CABP5: variants seen among roughly 807,000 people sequenced by gnomAD.
The protein encoded by CABP5 is calcium binding protein 5.
In CABP5, 17 loss-of-function variants were observed where a neutral mutation model predicts 21.9. That is an observed-to-expected ratio of 0.78 (90% CI 0.53 to 1.17). The LOEUF is 1.17. Among genes scored for constraint, CABP5 ranks in the 50% most tolerant of loss-of-function variants. CABP5 has a pLI of 0.00. For missense variants in CABP5, 229 were observed against 228.9 expected, an observed-to-expected ratio of 1.00 and a Z score of 0.00; for synonymous variants, 85 against 79.4, an observed-to-expected ratio of 1.07 and a Z score of -0.37.
Position 48,030,444 on chromosome 19 carries a change from G to T in CABP5, c.*113C>A, listed in dbSNP as rs567207989. 19 of 1,103,644 alleles carry T rather than the reference G, an allele frequency of 1.7e-5. No homozygotes were observed. The highest frequency in any genetic ancestry group is 2.5e-5 in the Non-Finnish European group (19 of 753,416). The allele number at this position is 1,103,644 out of a possible 1,614,324, so 68.4% of individuals were successfully genotyped here. A position where few individuals can be genotyped will look rare whatever the true frequency, so the allele number is the denominator to read the frequency against. ...GCCGCATGCCAATGCCCTCCCTCCCGCCTGCCCTCCCTCTCTGCTTTAAGG... is the reference window on the plus strand; with the variant it reads ...GCCGCATGCCAATGCCCTCCCTCCCTCCTGCCCTCCCTCTCTGCTTTAAGG... On this transcript the variant is annotated 3_prime_UTR_variant, in exon 6 of 6. Coordinates refer to ENST00000293255, the MANE Select transcript of CABP5 (RefSeq NM_019855.5).
At chr19:48,033,012 T>C (rs1486478823) in intron 5 of CABP5, among the ~76,000 whole-genome samples, 1 of 135,578 alleles carries the variant, frequency 7.4e-6, no homozygotes, top group Non-Finnish European at 1.5e-5. Context: ...GAACTTGACA[T>C]GCTTTTTTTT....
rs1967328009 is a variant in CABP5, at chr19:48,030,583, C to G, written c.497-1G>C. 6.2e-7 allele frequency: 1 copy of G among 1,609,538 alleles called. No individual in the cohort carries two copies. Among genetic ancestry groups the G allele is most frequent in the South Asian group, 1.1e-5 (1 of 90,862 alleles). On this transcript the variant is annotated splice_acceptor_variant, in intron 5 of 5. Transcript: ENST00000293255. LOFTEE classifies it high-confidence loss of function. Reference sequence around the variant, plus strand: ...CAGCGAGACATCATCTTCACAAACTCTGCAAAGAAAAAAAAAAATCCCCAG... The same window carrying G: ...CAGCGAGACATCATCTTCACAAACTGTGCAAAGAAAAAAAAAAATCCCCAG...
At chr19:48,031,625 AT>A (rs1416881735) in intron 5 of CABP5, among the ~76,000 whole-genome samples, 3 of 152,162 alleles carry the variant, frequency 2.0e-5, no homozygotes, top group Non-Finnish European at 4.4e-5. Flanking sequence ...CACTTTACAG[AT>A]AAGGAAACTT....
At position 48,031,302 on chromosome 19, in the gene CABP5, C is replaced by T. The variant is rs565407026; in HGVS notation, c.497-720G>A. Among the ~76,000 whole-genome samples, 32 of 152,174 alleles carry T rather than the reference C, an allele frequency of 2.1e-4. No individual in the cohort carries two copies. In the East Asian group the frequency reaches 4.6e-3, roughly 22 times the overall value. On this transcript the variant is annotated intron_variant, in intron 5 of 5. Coordinates refer to ENST00000293255, the MANE Select transcript of CABP5 (RefSeq NM_019855.5). The stretch of plus-strand genomic sequence containing the variant: ...TAACTGTAATCCCAGCACTTTGGGA[C>T]GTCAGGGAGGGTGGATCACTTGAGG...
In CABP5 at chr19:48,030,505, C is replaced by T. The variant is rs898566020; in HGVS notation, c.*52G>A. ...CTTTTGGGCTTTGGTTCTCCACAAG[C>T]GCTTGCTCCATGTTGACCAGGTGGA... On this transcript the variant is annotated 3_prime_UTR_variant, in exon 6 of 6. Transcript: ENST00000293255. 8 of 1,579,416 alleles carry T rather than the reference C, an allele frequency of 5.1e-6. No homozygotes were observed. The highest frequency in any genetic ancestry group is 1.2e-5 in the South Asian group (1 of 86,840).
At chr19:48,039,421 T>G in intron 3 of CABP5, 104 bp from the exon 4 acceptor site, 2 of 824,072 alleles carry the variant, frequency 2.4e-6, no homozygotes, top group Admixed American at 4.1e-5. Flanking sequence ...CTCCCTGCCC[T>G]ATAAGAGCCG....
At chr19:48,042,379 T>C (rs550051486) in intron 1 of CABP5, among the ~76,000 whole-genome samples, 6 of 152,304 alleles carry the variant, frequency 3.9e-5, no homozygotes, top group African/African-American at 1.4e-4. Context: ...GAATGTCCAG[T>C]TATTGCTGCC....
chr19:48,044,033 TC>T lies in CABP5; in HGVS notation c.-112del. 1.1e-6 allele frequency: 1 copy of T among 885,148 alleles called. No individual in the cohort carries two copies. Among genetic ancestry groups the T allele is most frequent in the Non-Finnish European group, 1.7e-6 (1 of 598,246 alleles). 54.8% of individuals were successfully genotyped at this position (885,148 alleles called of 1,614,324 possible). A position where few individuals can be genotyped will look rare whatever the true frequency, so the allele number is the denominator to read the frequency against. ...TCTCCAGCACTCCTTTGCCACCTCTTCCTGCCTCTCTTGGCTTCTCCTTCGG... is the reference window on the plus strand; with the variant it reads ...TCTCCAGCACTCCTTTGCCACCTCTTCTGCCTCTCTTGGCTTCTCCTTCGG... On this transcript the variant is annotated 5_prime_UTR_variant, in exon 1 of 6. Coordinates refer to ENST00000293255, the MANE Select transcript of CABP5 (RefSeq NM_019855.5).
intron 2 of CABP5, 58 bp downstream of exon 2, chr19:48,041,515 G>A: frequency 6.6e-7 from 1 of 1,523,704 alleles, no homozygotes; most frequent in South Asian, 1.1e-5. Flanking sequence ...CAAAGGGACT[G>A]AGGGCAGGTC....
At chr19:48,034,506 G>A in intron 4 of CABP5, 144 bp from the exon 5 acceptor site, 1 of 425,822 alleles carries the variant, frequency 2.3e-6, no homozygotes, top group Non-Finnish European at 3.9e-6. Flanking sequence ...AGCTCCAAAA[G>A]ACAGTTTTGT....
chr19:48,029,818 G>GAC lies in CABP5; in HGVS notation c.*738_*739insGT, dbSNP rs1967315525. On this transcript the variant is annotated 3_prime_UTR_variant, in exon 6 of 6. Transcript: ENST00000293255. The stretch of plus-strand genomic sequence containing the variant: ...ACAGACAGAGAGAGAGAGAGAGAGA[G>GAC]AGAGAGAGAGAGAGAGAGAAACCAG... 1 of 149,172 alleles carries GAC rather than the reference G, an allele frequency of 6.7e-6. No homozygotes were observed. The highest frequency in any genetic ancestry group is 2.6e-5 in the African/African-American group (1 of 39,032). 9.2% of individuals were successfully genotyped at this position (149,172 alleles called of 1,614,324 possible).
Position 48,034,283 on chromosome 19 carries a change from G to T in CABP5, c.428C>A (p.Thr143Asn). 1 of 1,608,748 alleles carries T rather than the reference G, an allele frequency of 6.2e-7. No homozygotes were observed. Among genetic ancestry groups the T allele is most frequent in the Non-Finnish European group, 8.5e-7 (1 of 1,177,942 alleles). The change falls in exon 5 of 6, where the codon ACC becomes AAC. Residue 143 changes from threonine (T) to asparagine (N), a missense_variant. By Grantham distance (65) the Thr-to-Asn change is moderately conservative (BLOSUM62 0). Coordinates refer to ENST00000293255, the MANE Select transcript of CABP5 (RefSeq NM_019855.5). ...AMQRLLGERL[T>N]PREISEVVRE... Reference sequence around the variant, plus strand: ...GACAACCTCAGAGATCTCCCGGGGGGTGAGCCGCTCCCCCAGGAGTCTCTG... The same window carrying T: ...GACAACCTCAGAGATCTCCCGGGGGTTGAGCCGCTCCCCCAGGAGTCTCTG...
At chr19:48,043,309 C>A (rs1243365252) in intron 1 of CABP5, among the ~76,000 whole-genome samples, 1 of 151,548 alleles carries the variant, frequency 6.6e-6, no homozygotes, top group Non-Finnish European at 1.5e-5. Context: ...ACTTGGCCGA[C>A]CCTGCCACTT....
Position 48,034,252 on chromosome 19 carries a change from C to T in CABP5, c.459G>A (p.Glu153=), listed in dbSNP as rs747960219. The stretch of plus-strand genomic sequence containing the variant: ...CTGTGCCGTCTCCATTAACATCAGC[C>T]TCCCGGACAACCTCAGAGATCTCCC... ...TPREISEVVR[E]ADVNGDGTVD... Residue 153 remains glutamate, a synonymous_variant, in exon 5 of 6, where the codon GAG becomes GAA. Transcript: ENST00000293255. The T allele has an allele frequency of 6.2e-7, 1 of 1,607,576 alleles. No individual in the cohort carries two copies. The highest frequency in any genetic ancestry group is 2.3e-5 in the East Asian group (1 of 44,016).
intron 1 of CABP5, 110 bp downstream of exon 1, chr19:48,043,750 C>T: frequency 1.1e-6 from 1 of 923,880 alleles, no homozygotes; most frequent in Non-Finnish European, 1.5e-6. Flanking sequence ...AGCTCCTGCT[C>T]TATCCACCTG....
At chr19:48,037,147 C>T (rs1271649295) in intron 4 of CABP5, among the ~76,000 whole-genome samples, 1 of 151,656 alleles carries the variant, frequency 6.6e-6, no homozygotes, top group African/African-American at 2.4e-5. Context: ...CACTCCCCTG[C>T]TCATGGCAGC....
chr19:48,030,513 C>T lies in CABP5; in HGVS notation c.*44G>A. On this transcript the variant is annotated 3_prime_UTR_variant, in exon 6 of 6. Transcript: ENST00000293255. ...CTTTGGTTCTCCACAAGCGCTTGCT[C>T]CATGTTGACCAGGTGGAGAGGGTCT... 1 of 1,594,388 alleles carries T rather than the reference C, an allele frequency of 6.3e-7. No individual in the cohort carries two copies. Among genetic ancestry groups the T allele is most frequent in the Non-Finnish European group, 8.5e-7 (1 of 1,171,468 alleles).
intron 4 of CABP5, among the ~76,000 whole-genome samples, chr19:48,037,207 G>C (rs1211754448): frequency 2.2e-5 from 3 of 138,244 alleles, no homozygotes; most frequent in Non-Finnish European, 4.6e-5. Flanking sequence ...CATCAAAACA[G>C]AAGAGTGGAT....
chr19:48,030,286 G>C lies in CABP5; in HGVS notation c.*271C>G, dbSNP rs781511294. 2 of 426,592 alleles carry C rather than the reference G, an allele frequency of 4.7e-6. No homozygotes were observed. Among genetic ancestry groups the C allele is most frequent in the Non-Finnish European group, 8.3e-6 (2 of 242,318 alleles). The allele number at this position is 426,592 out of a possible 1,614,324, so 26.4% of individuals were successfully genotyped here. A position where few individuals can be genotyped will look rare whatever the true frequency, so the allele number is the denominator to read the frequency against. On this transcript the variant is annotated 3_prime_UTR_variant, in exon 6 of 6. Coordinates refer to ENST00000293255, the MANE Select transcript of CABP5 (RefSeq NM_019855.5). ...AGTGAAAAGATGTCAAGAATCATTG[G>C]AATTTTTGGGGGTGGCAACTGGACC... is the stretch of plus-strand genomic sequence containing the variant.
Sources: allele counts gnomAD v4.1 joint callset (sites outside exome capture counted in the v4.1 genomes callset), GRCh38; gene constraint gnomAD v4.1.1; transcripts MANE v1.5; gene names NCBI Gene and HGNC (gene_info 2026-07-23, HGNC 2026-07-21).